Variants in ARK2N observed in about 807,000 individuals in gnomAD.
ARK2N encodes protein ARK2N.
At chr18:46,257,606 A>G in the ARK2N span, among the ~76,000 whole-genome samples, 1 of 149,010 alleles carries the variant, frequency 6.7e-6, no homozygotes, top group African/African-American at 2.6e-5. Context: ...CAGCATCTCT[A>G]GTTCTTCTCT....
the ARK2N span, among the ~76,000 whole-genome samples, chr18:46,255,174 CTT>C: frequency 6.6e-6 from 1 of 152,092 alleles, no homozygotes; most frequent in East Asian, 1.9e-4. Flanking sequence ...TTAAGGGTAT[CTT>C]TTTCTAGAGA....
the ARK2N span, chr18:46,216,174 C>T: frequency 6.2e-7 from 1 of 1,613,982 alleles, no homozygotes; most frequent in Non-Finnish European, 8.5e-7. The surrounding 1 kb of genome is among the most constrained non-coding windows in gnomAD (Gnocchi z 4.3). Flanking sequence ...TTTCCCCTTC[C>T]TCTAGTGGTC....
the ARK2N span, among the ~76,000 whole-genome samples, chr18:46,250,405 T>TACCTAAGTCAGAA: frequency 6.6e-6 from 1 of 151,738 alleles, no homozygotes; most frequent in East Asian, 1.9e-4. Flanking sequence ...TCTATCCATT[T>TACCTAAGTCAGAA]ACCTAAGTCA....
chr18:46,225,527 C>T, the ARK2N span, among the ~76,000 whole-genome samples: 2 of 152,120 alleles, frequency 1.3e-5, no homozygotes, highest in African/African-American at 2.4e-5. Flanking sequence ...GGCGCGATCT[C>T]GGCCCACTGC....
At chr18:46,200,951 C>G in the ARK2N span, among the ~76,000 whole-genome samples, 2 of 150,104 alleles carry the variant, frequency 1.3e-5, no homozygotes, top group East Asian at 3.9e-4. Flanking sequence ...GGCACTACTA[C>G]GATTTTGATT....
At chr18:46,253,906 A>G in the ARK2N span, 2 of 1,430,212 alleles carry the variant, frequency 1.4e-6, no homozygotes, top group Non-Finnish European at 1.9e-6. Context: ...AAAATGGTAG[A>G]CTTTATGGCA....
At chr18:46,182,218 A>G in the ARK2N span, among the ~76,000 whole-genome samples, 2 of 152,236 alleles carry the variant, frequency 1.3e-5, no homozygotes, top group Non-Finnish European at 2.9e-5. Context: ...GCATAGAATC[A>G]TAGCTTGTTC....
the ARK2N span, chr18:46,216,642 C>T: frequency 6.8e-7 from 1 of 1,472,956 alleles, no homozygotes; most frequent in Non-Finnish European, 9.2e-7. The surrounding 1 kb of genome is among the most constrained non-coding windows in gnomAD (Gnocchi z 4.3). Context: ...GATGGCATTT[C>T]TCAGCTATCA....
the ARK2N span, among the ~76,000 whole-genome samples, chr18:46,190,088 C>T: frequency 1.3e-5 from 2 of 152,006 alleles, no homozygotes; most frequent in African/African-American, 2.4e-5. Flanking sequence ...TCTTAGAAAT[C>T]AGGATTATAC....
At chr18:46,230,593 C>G in the ARK2N span, among the ~76,000 whole-genome samples, 2 of 152,166 alleles carry the variant, frequency 1.3e-5, no homozygotes, top group Non-Finnish European at 2.9e-5. Flanking sequence ...AATCCCATAT[C>G]CGGACTATTG....
At chr18:46,185,757 C>T in the ARK2N span, among the ~76,000 whole-genome samples, 4 of 152,250 alleles carry the variant, frequency 2.6e-5, no homozygotes, top group African/African-American at 7.2e-5. Context: ...GAGGCCTAGG[C>T]GGGCAGATCA....
chr18:46,252,013 C>T, the ARK2N span, among the ~76,000 whole-genome samples: 2 of 151,896 alleles, frequency 1.3e-5, no homozygotes, highest in Non-Finnish European at 2.9e-5. Context: ...GCCAACGTGA[C>T]GAAACCCCAT....
chr18:46,208,531 G>A, the ARK2N span, among the ~76,000 whole-genome samples: 1 of 136,336 alleles, frequency 7.3e-6, no homozygotes. Context: ...GTGCAATGGC[G>A]TGATCTCGGC....
chr18:46,236,830 G>GTT, the ARK2N span, among the ~76,000 whole-genome samples: 1 of 148,720 alleles, frequency 6.7e-6, no homozygotes, highest in African/African-American at 2.5e-5. Context: ...AGCAGCTTCT[G>GTT]TTTTTTTTTT....
the ARK2N span, among the ~76,000 whole-genome samples, chr18:46,179,186 G>A: frequency 2.9e-4 from 44 of 151,874 alleles, no homozygotes; most frequent in Admixed American, 7.2e-4. Flanking sequence ...TCAAGTGATC[G>A]CCCACCTTGG....
chr18:46,197,179 C>T, the ARK2N span, among the ~76,000 whole-genome samples: 2 of 152,024 alleles, frequency 1.3e-5, no homozygotes, highest in Non-Finnish European at 1.5e-5. Context: ...TGTTTTGTGG[C>T]CATGAGTTAT....
At chr18:46,217,738 A>G in the ARK2N span, 1 of 152,182 alleles carries the variant, frequency 6.6e-6, no homozygotes, top group South Asian at 2.1e-4. Flanking sequence ...CATATAATAT[A>G]AATATGAGTC....
At chr18:46,179,404 C>T in the ARK2N span, among the ~76,000 whole-genome samples, 1 of 152,080 alleles carries the variant, frequency 6.6e-6, no homozygotes, top group Admixed American at 6.6e-5. Context: ...CTTCTGAATC[C>T]TTTTAGCCTT....
the ARK2N span, chr18:46,240,077 AT>A: frequency 6.2e-7 from 1 of 1,614,200 alleles, no homozygotes; most frequent in Non-Finnish European, 8.5e-7. Context: ...AATGTGGACA[AT>A]TTATTGGCGG....
Sources: allele counts gnomAD v4.1 joint callset (sites outside exome capture counted in the v4.1 genomes callset), GRCh38; gene constraint gnomAD v4.1.1; non-coding constraint Gnocchi (gnomAD v3.1); transcripts MANE v1.5; gene names NCBI Gene and HGNC (gene_info 2026-07-23, HGNC 2026-07-21).